The following FHOD3 variants were observed in gnomAD, a reference collection of about 807,000 sequenced individuals.
FHOD3 encodes the protein FH1/FH2 domain-containing protein 3.
In FHOD3, 90 loss-of-function variants were observed where a neutral mutation model predicts 173.0. The observed-to-expected ratio is 0.52, with a 90% confidence interval of 0.44 to 0.62. The LOEUF is 0.62. FHOD3 is among the 20% of genes least tolerant of loss of function. FHOD3 has a pLI of 0.00. For missense variants in FHOD3, 1,945 were observed against 2,034.7 expected, an observed-to-expected ratio of 0.96 and a Z score of 0.85; for synonymous variants, 828 against 823.0, an observed-to-expected ratio of 1.01 and a Z score of -0.10.
intron 2 of FHOD3, among the ~76,000 whole-genome samples, chr18:36,356,104 G>A (rs1217878816): frequency 2.0e-5 from 3 of 152,070 alleles, no homozygotes; most frequent in Non-Finnish European, 4.4e-5. Flanking sequence ...CTCTAAAAGT[G>A]AATAAATAAA....
intron 19 of FHOD3, among the ~76,000 whole-genome samples, chr18:36,724,915 C>A (rs2040978945): frequency 6.6e-6 from 1 of 152,130 alleles, no homozygotes; most frequent in Non-Finnish European, 1.5e-5. Flanking sequence ...CAAAACAGAG[C>A]CTGGCTGCTT....
At chr18:36,608,796 G>T (rs1023438940) in intron 8 of FHOD3, among the ~76,000 whole-genome samples, 2 of 152,072 alleles carry the variant, frequency 1.3e-5, no homozygotes, top group Admixed American at 1.3e-4. Flanking sequence ...TGCCTTTTGA[G>T]ATTAATCTTT....
chr18:36,596,723 C>T (rs1392668398), intron 7 of FHOD3, among the ~76,000 whole-genome samples: 1 of 152,096 alleles, frequency 6.6e-6, no homozygotes, highest in African/African-American at 2.4e-5. Context: ...GGGAGGCAAA[C>T]TCTAGTACAT....
Position 36,767,057 on chromosome 18 carries a change from A to T in FHOD3, c.4625-2208A>T, listed in dbSNP as rs544640164. On this transcript the variant is annotated intron_variant, in intron 27 of 28. Coordinates refer to ENST00000590592, the MANE Select transcript of FHOD3 (RefSeq NM_001281740.3). ...GGCCCAGTCTAAAAGCTGTGGCATT[A>T]TAAGGACTTTTATTTCCAATTAAAA... Among the ~76,000 whole-genome samples, 50 of 152,328 alleles carry T rather than the reference A, an allele frequency of 3.3e-4. 1 individual carries two copies. The highest frequency in any genetic ancestry group is 1.2e-3 in the African/African-American group (49 of 41,572).
chr18:36,491,221 A>G (rs1513853), intron 3 of FHOD3, among the ~76,000 whole-genome samples: 118,149 of 152,176 alleles, frequency 0.78, 46,658 homozygotes, highest in East Asian at 0.95. Flanking sequence ...CACTTCCTGT[A>G]GGCTTGCCTT....
intron 10 of FHOD3, among the ~76,000 whole-genome samples, chr18:36,633,587 T>A (rs927531923): frequency 6.6e-6 from 1 of 152,188 alleles, no homozygotes; most frequent in African/African-American, 2.4e-5. Flanking sequence ...ACAGAGAGGT[T>A]AAGGAGCTTG....
chr18:36,671,751 G>A (rs2037548212), intron 14 of FHOD3, among the ~76,000 whole-genome samples: 1 of 152,172 alleles, frequency 6.6e-6, no homozygotes, highest in Non-Finnish European at 1.5e-5. Flanking sequence ...CAGTCAGTGT[G>A]TATTGATGGC....
chr18:36,493,717 A>T (rs2054589931), intron 3 of FHOD3, among the ~76,000 whole-genome samples: 2 of 152,182 alleles, frequency 1.3e-5, no homozygotes, highest in African/African-American at 4.8e-5. Context: ...TGATGGTTGT[A>T]TTGTCAATAA....
chr18:36,642,293 T>C (rs868085748), intron 10 of FHOD3, among the ~76,000 whole-genome samples: 6 of 152,086 alleles, frequency 3.9e-5, no homozygotes, highest in Middle Eastern at 3.4e-3. Context: ...AAAATAAAAG[T>C]TTAAAAAAAT....
intron 3 of FHOD3, among the ~76,000 whole-genome samples, chr18:36,419,310 T>C (rs2049860350): frequency 1.3e-5 from 2 of 152,010 alleles, no homozygotes; most frequent in African/African-American, 4.8e-5. Flanking sequence ...TGTTGACTAT[T>C]CCTCTTGAGT....
chr18:36,447,106 T>C (rs760709172), intron 3 of FHOD3, among the ~76,000 whole-genome samples: 144 of 152,276 alleles, frequency 9.5e-4, no homozygotes, highest in Non-Finnish European at 1.8e-3. Context: ...CACCAAGGTG[T>C]CTTTAGAATC....
In FHOD3 at chr18:36,512,448, A is replaced by C; in HGVS notation, c.416A>C (p.Asp139Ala). Residue 139 changes from aspartate to alanine, a missense_variant, in exon 5 of 29, where the codon GAT becomes GCT. Physicochemically the swap from Asp to Ala is moderately radical, Grantham distance 126. Around this residue, in one of 5 missense-constraint regions of FHOD3, gnomAD observed 245 missense variants for 267.7 expected, o/e 0.92. Transcript: ENST00000590592. ...TTTCTTTCCTGCCAGGATGACAAGG[A>C]TTTGGTGCATGAATTTGTAGTGGCT... ...SLKQIFQDDK[D>A]LVHEFVVAEG... is the part of the protein sequence containing the mutation. 6.2e-7 allele frequency: 1 copy of C among 1,613,798 alleles called. No homozygotes were observed. The highest frequency in any genetic ancestry group is 8.5e-7 in the Non-Finnish European group (1 of 1,179,850).
chr18:36,342,544 A>C (rs1248491714), intron 1 of FHOD3, among the ~76,000 whole-genome samples: 1 of 152,260 alleles, frequency 6.6e-6, no homozygotes, highest in Non-Finnish European at 1.5e-5. Flanking sequence ...GCTAGAAAGC[A>C]ATGGAATAAC....
At chr18:36,354,745 G>T (rs1010220287) in intron 1 of FHOD3, among the ~76,000 whole-genome samples, 1 of 152,002 alleles carries the variant, frequency 6.6e-6, no homozygotes, top group African/African-American at 2.4e-5. Flanking sequence ...GGCAGAGGTT[G>T]CAGTGAGCCG....
At chr18:36,584,512 T>A (rs1405243804) in intron 6 of FHOD3, among the ~76,000 whole-genome samples, 1 of 152,240 alleles carries the variant, frequency 6.6e-6, no homozygotes, top group Non-Finnish European at 1.5e-5. Flanking sequence ...TTCCTTGAAT[T>A]GCACTATTGT....
intron 3 of FHOD3, among the ~76,000 whole-genome samples, chr18:36,496,683 TA>T (rs1299647179): frequency 6.6e-6 from 1 of 152,230 alleles, no homozygotes; most frequent in Non-Finnish European, 1.5e-5. Context: ...TTGTTACTTT[TA>T]TTTCAACCAT....
chr18:36,428,450 C>A (rs1316678163), intron 3 of FHOD3, among the ~76,000 whole-genome samples: 2 of 152,120 alleles, frequency 1.3e-5, no homozygotes, highest in East Asian at 3.9e-4. Flanking sequence ...GAAACACAGC[C>A]CCACTCCGGC....
chr18:36,507,256 G>T (rs1465023209), intron 4 of FHOD3, among the ~76,000 whole-genome samples: 1 of 152,172 alleles, frequency 6.6e-6, no homozygotes, highest in Non-Finnish European at 1.5e-5. Flanking sequence ...CTTTCTGATG[G>T]TTCAGTATTC....
intron 3 of FHOD3, among the ~76,000 whole-genome samples, chr18:36,436,807 T>C (rs1005472217): frequency 6.6e-6 from 1 of 152,222 alleles, no homozygotes; most frequent in East Asian, 1.9e-4. Flanking sequence ...TTTGATAATA[T>C]AGCATTTGCT....
Sources: allele counts gnomAD v4.1 joint callset (sites outside exome capture counted in the v4.1 genomes callset), GRCh38; gene constraint gnomAD v4.1.1; regional missense constraint gnomAD v4.1.1; transcripts MANE v1.5; gene names NCBI Gene and HGNC (gene_info 2026-07-23, HGNC 2026-07-21).